Variants in DMXL1 observed in about 807,000 individuals in gnomAD.
DMXL1 encodes Dmx like 1.
A neutral mutation model predicts 319.2 loss-of-function variants in DMXL1; 99 were observed. The observed-to-expected ratio is 0.31, with a 90% CI of 0.26 to 0.37. The LOEUF (loss-of-function observed/expected upper bound fraction) is 0.37. DMXL1 is among the 10% of genes least tolerant of loss of function. DMXL1 has a pLI of 1.00. For missense variants in DMXL1, 3,745 were observed against 3,595.6 expected (o/e 1.04, Z -1.06); for synonymous variants, 1,385 against 1,235.2 (o/e 1.12, Z -2.54).
At position 119,233,480 on chromosome 5, in the gene DMXL1, A is replaced by C. The variant is rs149676758; in HGVS notation, c.8466+13A>C. ...TCAGGGAAATAAGGTATTATATAAA[A>C]ATGTAAATGGTAAAAAATTTATTGT... On this transcript the variant is annotated intron_variant, in intron 39 of 43. Coordinates refer to ENST00000539542, the MANE Select transcript of DMXL1 (RefSeq NM_001290321.3). The C allele has an allele frequency of 3.1e-4, 498 of 1,604,058 alleles. 2 individuals are homozygous for C. In the African/African-American group the frequency reaches 5.9e-3, roughly 19 times the overall value.
chr5:119,112,718 A>C (rs1019612046), intron 5 of DMXL1, among the ~76,000 whole-genome samples: 1 of 152,162 alleles, frequency 6.6e-6, no homozygotes, highest in Non-Finnish European at 1.5e-5. Flanking sequence ...ACACTTTGGG[A>C]GGCCGAGGTG....
At chr5:119,179,477 G>C (rs1277206975) in intron 28 of DMXL1, among the ~76,000 whole-genome samples, 1 of 152,044 alleles carries the variant, frequency 6.6e-6, no homozygotes, top group Non-Finnish European at 1.5e-5. Flanking sequence ...CAAGCAGTTG[G>C]TGAGGGACAT....
At chr5:119,100,157 G>T (rs1236419620) in intron 2 of DMXL1, among the ~76,000 whole-genome samples, 1 of 152,064 alleles carries the variant, frequency 6.6e-6, no homozygotes, top group Non-Finnish European at 1.5e-5. Flanking sequence ...GGGGACTTCT[G>T]ACTGTTTACA....
intron 8 of DMXL1, among the ~76,000 whole-genome samples, chr5:119,120,346 G>T (rs554072156): frequency 6.6e-6 from 1 of 152,244 alleles, no homozygotes. Flanking sequence ...ATGGTTACAT[G>T]TAGTAATAGC....
chr5:119,226,506 C>G (rs1785593138), intron 38 of DMXL1, among the ~76,000 whole-genome samples: 1 of 152,148 alleles, frequency 6.6e-6, no homozygotes, highest in Non-Finnish European at 1.5e-5. Flanking sequence ...CACTGTTTCT[C>G]TATGCTGTCA....
intron 1 of DMXL1, among the ~76,000 whole-genome samples, chr5:119,077,586 C>T (rs1468393116): frequency 1.5e-5 from 2 of 135,268 alleles, no homozygotes; most frequent in Non-Finnish European, 3.1e-5. Context: ...TGGCCTGAAG[C>T]GATCCTCCCA....
chr5:119,105,455 A>G (rs1459462742), intron 4 of DMXL1, among the ~76,000 whole-genome samples, 197 bp downstream of exon 4: 1 of 152,232 alleles, frequency 6.6e-6, no homozygotes, highest in Admixed American at 6.5e-5. Flanking sequence ...AGAATGTTCT[A>G]AGTGCCATAA....
Position 119,165,286 on chromosome 5 carries a change from T to TAAAAAA in DMXL1, c.4970+19_4970+24dup. ...GTGATTTGGGGATTATATAGGTAGG[T>TAAAAAA]AAAAAAAAAAAAAAAAAAGGGTGCT... On this transcript the variant is annotated splice_region_variant and intron_variant, in intron 21 of 43. Transcript: ENST00000539542. The TAAAAAA allele has an allele frequency of 1.1e-6, 1 of 884,138 alleles. No individual in the cohort carries two copies. The allele number at this position is 884,138 out of a possible 1,614,324, so 54.8% of individuals were successfully genotyped here. A position where few individuals can be genotyped will look rare whatever the true frequency, so the allele number is the denominator to read the frequency against.
chr5:119,171,065 G>A lies in DMXL1; in HGVS notation c.6274G>A (p.Asp2092Asn), dbSNP rs1774448251. 12 of 1,613,842 alleles carry A rather than the reference G, an allele frequency of 7.4e-6. No homozygotes were observed. The highest frequency in any genetic ancestry group is 1.3e-5 in the African/African-American group (1 of 75,012). The change falls in exon 24 of 44, where the codon GAT becomes AAT. Residue 2092 changes from aspartate (D) to asparagine (N), a missense_variant. Asp to Asn is a conservative substitution (Grantham distance 23). Around this residue, in one of 4 missense-constraint regions of DMXL1, gnomAD observed 1,382 missense variants for 1,269.5 expected, o/e 1.09. Coordinates refer to ENST00000539542, the MANE Select transcript of DMXL1 (RefSeq NM_001290321.3). ...ACAGTCTGCATTTGGCAGAAATGAA[G>A]ATGAATTTGGATTAAATGAGGATGC... ...ELQSAFGRNE[D>N]EFGLNEDAED...
intron 22 of DMXL1, 148 bp downstream of exon 22, chr5:119,166,929 A>G (rs1467578337): frequency 2.5e-5 from 16 of 643,214 alleles, no homozygotes; most frequent in Non-Finnish European, 4.0e-5. Context: ...TAATAAAGAC[A>G]TTTAAAATTT....
intron 32 of DMXL1, among the ~76,000 whole-genome samples, chr5:119,202,907 T>A (rs369518135): frequency 3.1e-4 from 37 of 120,196 alleles, no homozygotes; most frequent in East Asian, 7.2e-4. Context: ...ATATATATAT[T>A]TATATATTTT....
chr5:119,083,289 G>C (rs1752627315), intron 1 of DMXL1, among the ~76,000 whole-genome samples: 1 of 151,910 alleles, frequency 6.6e-6, no homozygotes, highest in African/African-American at 2.4e-5. Context: ...ACTTCCCAAA[G>C]TGTAGTTCCA....
chr5:119,174,816 T>TA (rs1775470646), intron 25 of DMXL1, among the ~76,000 whole-genome samples: 1 of 152,230 alleles, frequency 6.6e-6, no homozygotes, highest in Non-Finnish European at 1.5e-5. Flanking sequence ...TTCACTCTCT[T>TA]CAAATTGTTT....
intron 1 of DMXL1, among the ~76,000 whole-genome samples, chr5:119,091,472 A>G (rs1754784713): frequency 6.6e-6 from 1 of 152,022 alleles, no homozygotes; most frequent in Admixed American, 6.6e-5. Context: ...TTGGCCTCCC[A>G]GTGTTGGGAT....
At chr5:119,237,281 A>G (rs1287103016) in intron 39 of DMXL1, 41 bp from the exon 40 acceptor site, 8 of 1,236,842 alleles carry the variant, frequency 6.5e-6, no homozygotes, top group Non-Finnish European at 6.9e-6. Context: ...ATATGCTTTT[A>G]TATTTATATT....
rs201199475 is a variant in DMXL1, at chr5:119,143,896, G to C, written c.2432G>C (p.Gly811Ala). The C allele has an allele frequency of 5.7e-6, 9 of 1,587,288 alleles. No homozygotes were observed. Among genetic ancestry groups the C allele is most frequent in the East Asian group, 2.3e-5 (1 of 43,362 alleles). ...IVSQQSTARP[G>A]CIIALDPITK... ...AGTCAACAATCAACAGCCAGGCCAG[G>C]ATGCATTATTGCATTAGATCCCATT... The change falls in exon 14 of 44, where the codon GGA (glycine) becomes GCA (alanine). Residue 811 changes from glycine to alanine, a missense_variant. By Grantham distance (60) the Gly-to-Ala change is moderately conservative (BLOSUM62 0). Coordinates refer to ENST00000539542, the MANE Select transcript of DMXL1 (RefSeq NM_001290321.3).
Position 119,110,300 on chromosome 5 carries a change from G to C in DMXL1, c.497+17G>C, listed in dbSNP as rs755081908. ...GCATTGCAAGTAAGCAATTAATCAG[G>C]GGAGTAAACTGATAAACCTGTTGTT... On this transcript the variant is annotated intron_variant, in intron 5 of 43. Coordinates refer to ENST00000539542, the MANE Select transcript of DMXL1 (RefSeq NM_001290321.3). 25 of 1,528,542 alleles carry C rather than the reference G, an allele frequency of 1.6e-5. 1 individual carries two copies. In the South Asian group the frequency reaches 2.8e-4, roughly 17 times the overall value. The allele number at this position is 1,528,542 out of a possible 1,614,324, so 94.7% of individuals were successfully genotyped here. A position where few individuals can be genotyped will look rare whatever the true frequency, so the allele number is the denominator to read the frequency against.
In DMXL1 at chr5:119,128,300, A is replaced by G. The variant is rs946162811; in HGVS notation, c.1103-911A>G. ...GATTTCCCCACTGCCATAAGTATGAATTCCAACCCTCTCTTCACTGATTTT... is the reference window on the plus strand; with the variant it reads ...GATTTCCCCACTGCCATAAGTATGAGTTCCAACCCTCTCTTCACTGATTTT... On this transcript the variant is annotated intron_variant, in intron 9 of 43. Transcript: ENST00000539542. The G allele has an allele frequency of 8.1e-5, 24 of 295,740 alleles. No homozygotes were observed. The East Asian group carries it at 2.0e-3, about 24-fold the overall frequency. The allele number at this position is 295,740 out of a possible 1,614,324, so 18.3% of individuals were successfully genotyped here. A position where few individuals can be genotyped will look rare whatever the true frequency, so the allele number is the denominator to read the frequency against.
At chr5:119,232,273 C>T (rs958969170) in intron 38 of DMXL1, among the ~76,000 whole-genome samples, 2 of 152,126 alleles carry the variant, frequency 1.3e-5, no homozygotes, top group African/African-American at 2.4e-5. Context: ...AGTCAAATAC[C>T]TAGTCTCAAA....
Sources: allele counts gnomAD v4.1 joint callset (sites outside exome capture counted in the v4.1 genomes callset), GRCh38; gene constraint gnomAD v4.1.1; regional missense constraint gnomAD v4.1.1; transcripts MANE v1.5; gene names NCBI Gene and HGNC (gene_info 2026-07-23, HGNC 2026-07-21).